Variants in PTPRO observed in about 807,000 individuals in gnomAD.
PTPRO encodes the protein protein tyrosine phosphatase receptor type O.
In PTPRO, 62 loss-of-function variants were observed where a neutral mutation model predicts 145.2. The ratio of observed to expected loss-of-function variants is 0.43; its 90% CI spans 0.35 to 0.53. The LOEUF (loss-of-function observed/expected upper bound fraction) is 0.53. Ranked by LOEUF, PTPRO falls within the 20% of genes least tolerant of loss-of-function variation. PTPRO has a pLI of 0.01. For missense variants in PTPRO, 1,345 were observed against 1,482.7 expected (o/e 0.91, Z 1.53); for synonymous variants, 565 against 514.7 (o/e 1.10, Z -1.32).
chr12:15,399,660 G>A (rs60084673), intron 1 of PTPRO, among the ~76,000 whole-genome samples: 12,466 of 152,070 alleles, frequency 0.082, 595 homozygotes, highest in African/African-American at 0.13. Flanking sequence ...CATATCTTGT[G>A]TCATAGAAAA....
At chr12:15,478,700 C>A (rs577054892) in intron 1 of PTPRO, among the ~76,000 whole-genome samples, 1 of 151,964 alleles carries the variant, frequency 6.6e-6, no homozygotes, top group Non-Finnish European at 1.5e-5. Context: ...GAGACAGAGT[C>A]TCTCTCTGTC....
chr12:15,350,063 G>T (rs1447697241), intron 1 of PTPRO, among the ~76,000 whole-genome samples: 4 of 151,956 alleles, frequency 2.6e-5, no homozygotes, highest in Admixed American at 2.0e-4. Context: ...CTGAAGAGAA[G>T]GATTTGAAAA....
At chr12:15,527,056 A>G (rs1386259287) in intron 12 of PTPRO, among the ~76,000 whole-genome samples, 2 of 152,186 alleles carry the variant, frequency 1.3e-5, no homozygotes, top group Non-Finnish European at 2.9e-5. Flanking sequence ...ACAACACACC[A>G]AAAGTTTATA....
chr12:15,525,052 C>T lies in PTPRO; in HGVS notation c.2043+87C>T, dbSNP rs138652358. ...ACCACTAAGCAATCATTTATTGACA[C>T]GTCAAATGTTTGCATACCAGTTGTC... On this transcript the variant is annotated intron_variant, in intron 11 of 26. Coordinates refer to ENST00000281171, the MANE Select transcript of PTPRO (RefSeq NM_030667.3). The T allele has an allele frequency of 4.9e-4, 731 of 1,500,050 alleles. 2 individuals carry two copies. Among genetic ancestry groups the T allele is most frequent in the Middle Eastern group, 3.6e-3 (21 of 5,852 alleles). The allele number at this position is 1,500,050 out of a possible 1,614,324, so 92.9% of individuals were successfully genotyped here. A position where few individuals can be genotyped will look rare whatever the true frequency, so the allele number is the denominator to read the frequency against.
At chr12:15,565,740 T>G in intron 18 of PTPRO, 112 bp downstream of exon 18, 2 of 793,102 alleles carry the variant, frequency 2.5e-6, no homozygotes, top group Non-Finnish European at 4.3e-6. Flanking sequence ...AAGAGGCAAA[T>G]GCATATTACA....
chr12:15,346,515 G>C (rs909695507), intron 1 of PTPRO: 2 of 152,214 alleles, frequency 1.3e-5, no homozygotes, highest in African/African-American at 4.8e-5. Flanking sequence ...TTATGGAACA[G>C]GCTCTGCACA....
At chr12:15,557,032 G>GTTTTTTTT (rs552264784) in intron 15 of PTPRO, among the ~76,000 whole-genome samples, 16 of 139,880 alleles carry the variant, frequency 1.1e-4, no homozygotes, top group Non-Finnish European at 2.0e-4. Flanking sequence ...CTTTTATTTT[G>GTTTTTTTT]TTTTTTTTTT....
At chr12:15,439,308 A>G (rs1204718421) in intron 1 of PTPRO, among the ~76,000 whole-genome samples, 1 of 152,240 alleles carries the variant, frequency 6.6e-6, no homozygotes, top group African/African-American at 2.4e-5. Flanking sequence ...GATACCTGTA[A>G]CCGCAAAAAC....
intron 1 of PTPRO, among the ~76,000 whole-genome samples, chr12:15,422,837 T>C (rs1028370843): frequency 2.0e-5 from 3 of 152,196 alleles, no homozygotes; most frequent in Non-Finnish European, 4.4e-5. Context: ...CTGAGTACTT[T>C]AGCAGAAGAA....
chr12:15,387,295 C>A (rs1327235548), intron 1 of PTPRO, among the ~76,000 whole-genome samples: 1 of 150,634 alleles, frequency 6.6e-6, no homozygotes, highest in East Asian at 2.0e-4. Flanking sequence ...TGGTCTTTAG[C>A]CTTGTCCAAT....
At chr12:15,563,623 A>T (rs1373413598) in intron 17 of PTPRO, among the ~76,000 whole-genome samples, 1 of 152,152 alleles carries the variant, frequency 6.6e-6, no homozygotes, top group Non-Finnish European at 1.5e-5. Context: ...ATTATACGTT[A>T]TATTGAAAGT....
rs919797287 is a variant in PTPRO at position 15,419,121 on chromosome 12, A to G, written c.76-64853A>G. ...GAAAGAACAAAGGTGAACTCGAAGC[A>G]TACAGTGAATAGGCACAAATCAGCT... On this transcript the variant is annotated intron_variant, in intron 1 of 26. Coordinates refer to ENST00000281171, the MANE Select transcript of PTPRO (RefSeq NM_030667.3). 2.6e-5 allele frequency among the ~76,000 whole-genome samples: 4 copies of G among 151,676 alleles called. 1 individual carries two copies. The highest frequency in any genetic ancestry group is 9.8e-5 in the African/African-American group (4 of 40,932).
chr12:15,328,291 T>C lies in PTPRO; in HGVS notation c.75+5490T>C, dbSNP rs543190971. On this transcript the variant is annotated intron_variant, in intron 1 of 26. Coordinates refer to ENST00000281171, the MANE Select transcript of PTPRO (RefSeq NM_030667.3). ...GTACCTTTGAATTTATTTCTATGAG[T>C]AAGATCATATCTTAGCCTTGTGCCA... Among the ~76,000 whole-genome samples the C allele has an allele frequency of 4.1e-4, 62 of 152,302 alleles. No homozygotes were observed. In the South Asian group the frequency reaches 0.012, roughly 29 times the overall value.
intron 7 of PTPRO, among the ~76,000 whole-genome samples, chr12:15,509,386 A>C (rs1052464389): frequency 4.6e-5 from 7 of 151,904 alleles, no homozygotes; most frequent in African/African-American, 1.2e-4. Context: ...AAAAAAAAAA[A>C]AACTTAAAAA....
intron 9 of PTPRO, among the ~76,000 whole-genome samples, chr12:15,517,338 C>T (rs949743914): frequency 1.3e-5 from 2 of 152,144 alleles, no homozygotes; most frequent in African/African-American, 2.4e-5. Context: ...GACCTGCCCC[C>T]AGGATTCAGT....
In PTPRO at chr12:15,549,761, T is replaced by C. The variant is rs536093725; in HGVS notation, c.2437+535T>C. On this transcript the variant is annotated intron_variant, in intron 14 of 26. Transcript: ENST00000281171. ...GTTGTATTACATGTGTTACTCCTGG[T>C]TTGTTAGAGTCTGATTCTGCAACCT... Among the ~76,000 whole-genome samples the C allele has an allele frequency of 3.3e-5, 5 of 152,308 alleles. No individual in the cohort carries two copies. In the South Asian group the frequency reaches 1.0e-3, roughly 32 times the overall value.
intron 23 of PTPRO, 108 bp from the exon 24 acceptor site, chr12:15,586,789 G>C (rs1317483115): frequency 1.6e-6 from 2 of 1,231,060 alleles, no homozygotes; most frequent in Non-Finnish European, 2.4e-6. Context: ...GTACTGACCA[G>C]GAGTGGAACG....
chr12:15,394,698 A>C (rs1599368), intron 1 of PTPRO, among the ~76,000 whole-genome samples: 30,290 of 152,170 alleles, frequency 0.2, 3,255 homozygotes, highest in Non-Finnish European at 0.24. Flanking sequence ...GGGGATGCAG[A>C]TTAAGGAGAT....
chr12:15,364,767 C>G (rs1038751820), intron 1 of PTPRO, among the ~76,000 whole-genome samples: 45 of 152,116 alleles, frequency 3.0e-4, no homozygotes, highest in African/African-American at 1.0e-3. Flanking sequence ...TAGAAAAGAT[C>G]AAATAATTTT....
Sources: gnomAD v4.1 joint callset for allele counts (sites outside exome capture counted in the v4.1 genomes callset) on GRCh38, gnomAD v4.1.1 for gene constraint, MANE v1.5 for transcripts, NCBI Gene and HGNC (gene_info 2026-07-23, HGNC 2026-07-21) for gene names.